The following RASGEF1A variants were observed in gnomAD, a reference collection of about 807,000 sequenced individuals.
The protein encoded by RASGEF1A is RasGEF domain family member 1A.
Under a neutral mutation model 56.4 loss-of-function variants are expected in RASGEF1A, and 18 were observed. The ratio of observed to expected loss-of-function variants is 0.32; its 90% confidence interval spans 0.22 to 0.47. The LOEUF (loss-of-function observed/expected upper bound fraction) is 0.47. Among genes scored for constraint, RASGEF1A ranks in the 20% least tolerant of loss-of-function variants. The pLI is 1.00. For missense variants in RASGEF1A, 422 were observed against 627.1 expected (o/e 0.67, Z 3.49); for synonymous variants, 245 against 242.6 (o/e 1.01, Z -0.09).
intron 1 of RASGEF1A, among the ~76,000 whole-genome samples, chr10:43,211,314 G>A (rs1389462139): frequency 1.3e-5 from 2 of 152,148 alleles, no homozygotes; most frequent in African/African-American, 4.8e-5. Context: ...ATTCGAGAAG[G>A]GGGTCCTCCC....
chr10:43,208,177 A>G (rs1840021863), intron 1 of RASGEF1A: 2 of 985,456 alleles, frequency 2.0e-6, no homozygotes, highest in Non-Finnish European at 2.4e-6. Flanking sequence ...TCAAAAGGCG[A>G]CCAGCAGGTG....
chr10:43,210,954 A>G, intron 1 of RASGEF1A, among the ~76,000 whole-genome samples: 1 of 143,720 alleles, frequency 7.0e-6, no homozygotes, highest in African/African-American at 2.5e-5. Context: ...TGCACGCAGT[A>G]GCCCCTCTGA....
chr10:43,199,443 A>C (rs1049085619), intron 7 of RASGEF1A, among the ~76,000 whole-genome samples: 3 of 152,206 alleles, frequency 2.0e-5, no homozygotes, highest in Non-Finnish European at 4.4e-5. Flanking sequence ...AGCCTCACAC[A>C]GGCAAGAAAA....
At chr10:43,203,627 C>T in intron 2 of RASGEF1A, 1 of 1,201,804 alleles carries the variant, frequency 8.3e-7, no homozygotes, top group Non-Finnish European at 1.1e-6. Flanking sequence ...AGGCACGGCT[C>T]GAGCCCCGCC....
chr10:43,232,385 T>C (rs1203909278), intron 1 of RASGEF1A, among the ~76,000 whole-genome samples: 1 of 152,138 alleles, frequency 6.6e-6, no homozygotes, highest in Non-Finnish European at 1.5e-5. Flanking sequence ...GAAAGCTCCC[T>C]GAGGCCTTCC....
intron 1 of RASGEF1A, among the ~76,000 whole-genome samples, chr10:43,234,581 C>G (rs1840408465): frequency 6.6e-6 from 1 of 152,172 alleles, no homozygotes; most frequent in Non-Finnish European, 1.5e-5. Flanking sequence ...GCTCAGCCCA[C>G]AAGGCCTTGG....
At chr10:43,222,667 C>A (rs768198124) in intron 1 of RASGEF1A, among the ~76,000 whole-genome samples, 11 of 152,220 alleles carry the variant, frequency 7.2e-5, no homozygotes, top group Non-Finnish European at 1.5e-4. Flanking sequence ...TAAAAACCTG[C>A]ATAGTAAGTG....
intron 1 of RASGEF1A, among the ~76,000 whole-genome samples, chr10:43,211,886 C>T (rs574011540): frequency 6.6e-6 from 1 of 152,326 alleles, no homozygotes; most frequent in South Asian, 2.1e-4. Flanking sequence ...ATGTCTTGTC[C>T]CACCTCCCTG....
At chr10:43,260,598 C>A (rs1407868445) in intron 1 of RASGEF1A, among the ~76,000 whole-genome samples, 2 of 152,178 alleles carry the variant, frequency 1.3e-5, no homozygotes, top group Admixed American at 6.5e-5. Flanking sequence ...GGGTCCGCCC[C>A]CCTCTCAGGA....
chr10:43,233,227 T>C (rs1317885897), intron 1 of RASGEF1A, among the ~76,000 whole-genome samples: 1 of 152,194 alleles, frequency 6.6e-6, no homozygotes, highest in Non-Finnish European at 1.5e-5. Context: ...GGCAGGATCT[T>C]TGTTTTGTTG....
intron 3 of RASGEF1A, chr10:43,202,635 G>A (rs150911771): frequency 3.0e-5 from 14 of 467,070 alleles, no homozygotes; most frequent in Non-Finnish European, 5.7e-5. Context: ...CAGACCGCTG[G>A]ACCCCGCCCC....
chr10:43,220,795 A>AG (rs1564534773), intron 1 of RASGEF1A, among the ~76,000 whole-genome samples: 42 of 150,654 alleles, frequency 2.8e-4, no homozygotes, highest in African/African-American at 1.0e-3. Flanking sequence ...AAAAAAAAAA[A>AG]AGGGGGGGGA....
chr10:43,217,656 G>A (rs1020095093), intron 1 of RASGEF1A, among the ~76,000 whole-genome samples: 5 of 152,234 alleles, frequency 3.3e-5, no homozygotes, highest in African/African-American at 1.2e-4. Flanking sequence ...CCATTTCTGA[G>A]ATTCTAGTGC....
chr10:43,195,377 T>G lies in RASGEF1A; in HGVS notation c.*867A>C, dbSNP rs1209216163. The G allele has an allele frequency of 6.6e-6, 1 of 152,144 alleles. No individual in the cohort carries two copies. The highest frequency in any genetic ancestry group is 1.5e-5 in the Non-Finnish European group (1 of 68,024). 9.4% of individuals were successfully genotyped at this position (152,144 alleles called of 1,614,324 possible). ...AAGAGGGCTGTTGGCTGCCCTCCCC[T>G]CTGTAGATGATAGGTTTCAAGACTA... On this transcript the variant is annotated 3_prime_UTR_variant, in exon 13 of 13. Transcript: ENST00000395810. This position sits in a 1 kb window ranked among gnomAD's most constrained non-coding sequence, Gnocchi z 4.2.
In RASGEF1A at chr10:43,196,818, A is replaced by T. The variant is rs556272263; in HGVS notation, c.1348+158T>A. 2.6e-4 allele frequency among the ~76,000 whole-genome samples: 39 copies of T among 152,194 alleles called. No individual in the cohort carries two copies. The highest frequency in any genetic ancestry group is 3.4e-3 in the Middle Eastern group (1 of 294). On this transcript the variant is annotated intron_variant, in intron 11 of 12. Coordinates refer to ENST00000395810, the MANE Select transcript of RASGEF1A (RefSeq NM_145313.4). This position sits in a 1 kb window ranked among gnomAD's most constrained non-coding sequence, Gnocchi z 4.6. ...GTCCTTCTCTTCCATCCATCCCATG[A>T]CCCACCCTCATGCACACTCGCCCCT...
chr10:43,215,430 C>T (rs1840123478), intron 1 of RASGEF1A, among the ~76,000 whole-genome samples: 1 of 152,240 alleles, frequency 6.6e-6, no homozygotes, highest in African/African-American at 2.4e-5. Flanking sequence ...TCTTGGCTGG[C>T]AGGGAGAGCG....
chr10:43,233,332 A>G (rs11238483), intron 1 of RASGEF1A, among the ~76,000 whole-genome samples: 25,319 of 152,136 alleles, frequency 0.17, 2,710 homozygotes, highest in East Asian at 0.51. Flanking sequence ...GTGTGTGTGT[A>G]GACAGATACA....
rs563989450 is a variant in RASGEF1A, at chr10:43,229,088, AC to A, written c.-6-22967del. On this transcript the variant is annotated intron_variant, in intron 1 of 12. Coordinates refer to ENST00000395810, the MANE Select transcript of RASGEF1A (RefSeq NM_145313.4). ...TCTCCAGGACCAGTTCTCCGCCTGC[AC>A]CCTACAGCGCCCTCGCCCTGGAGCG... Among the ~76,000 whole-genome samples, 437 of 152,232 alleles carry A rather than the reference AC, an allele frequency of 2.9e-3. 3 individuals are homozygous for A. Among genetic ancestry groups the A allele is most frequent in the Middle Eastern group, 0.01 (3 of 294 alleles).
intron 1 of RASGEF1A, among the ~76,000 whole-genome samples, chr10:43,261,369 G>A (rs1836524232): frequency 6.6e-6 from 1 of 152,198 alleles, no homozygotes; most frequent in Admixed American, 6.5e-5. Context: ...AGAAGGCCCT[G>A]TCCCCGTAGC....
Sources: gnomAD v4.1 joint callset for allele counts (sites outside exome capture counted in the v4.1 genomes callset) on GRCh38, gnomAD v4.1.1 for gene constraint, Gnocchi (gnomAD v3.1) non-coding constraint, MANE v1.5 for transcripts, NCBI Gene and HGNC (gene_info 2026-07-23, HGNC 2026-07-21) for gene names.